USP44: variants seen among roughly 807,000 people sequenced by gnomAD.
The protein encoded by USP44 is ubiquitin specific peptidase 44.
USP44 carries 61 observed loss-of-function variants against 69.0 expected under a neutral mutation model. The observed-to-expected ratio is 0.88, with a 90% CI of 0.72 to 1.09. The LOEUF (loss-of-function observed/expected upper bound fraction) is 1.09, where lower values mean the gene tolerates loss of function less well. Among genes scored for constraint, USP44 ranks in the 50% least tolerant of loss-of-function variants. The pLI is 0.00. For missense variants in USP44, 753 were observed against 849.9 expected (o/e 0.89, Z 1.42); for synonymous variants, 297 against 295.4 (o/e 1.01, Z -0.06).
chr12:95,527,737 G>A (rs1280502616), intron 3 of USP44, among the ~76,000 whole-genome samples: 2 of 151,892 alleles, frequency 1.3e-5, no homozygotes, highest in East Asian at 1.9e-4. Context: ...CACCTGCCTC[G>A]GCCTCCCAAA....
Position 95,521,091 on chromosome 12 carries a change from TTCTGG to T in USP44, c.1840_1844del (p.Pro614MetfsTer5). ...CCGCGGACAAGTCATAGATAAAGCA[TTCTGG>T]TCTGAGGGATTTCAGGGTCTCCCTG... On this transcript the variant is annotated frameshift_variant, in exon 5 of 6. Transcript: ENST00000258499. LOFTEE classifies it high-confidence loss of function. The T allele has an allele frequency of 6.2e-7, 1 of 1,614,202 alleles. No homozygotes were observed. Among genetic ancestry groups the T allele is most frequent in the Non-Finnish European group, 8.5e-7 (1 of 1,180,038 alleles).
intron 1 of USP44, chr12:95,547,001 G>C (rs890005332): frequency 1.3e-5 from 2 of 152,146 alleles, no homozygotes; most frequent in African/African-American, 2.4e-5. Context: ...CTGTAGAAAA[G>C]GGAGAAAGAC....
chr12:95,530,457 TA>T (rs1373224732), intron 2 of USP44, among the ~76,000 whole-genome samples: 1 of 151,414 alleles, frequency 6.6e-6, no homozygotes, highest in Admixed American at 6.6e-5. Context: ...CTTGTCTCTA[TA>T]AAAAAAATAA....
chr12:95,541,160 T>G (rs943700720), intron 1 of USP44, among the ~76,000 whole-genome samples: 4 of 152,134 alleles, frequency 2.6e-5, no homozygotes, highest in Admixed American at 2.0e-4. Context: ...GTGCCTGTAA[T>G]CCCAGCTGCT....
intron 3 of USP44, among the ~76,000 whole-genome samples, chr12:95,525,947 T>C (rs977502992): frequency 1.3e-5 from 2 of 152,236 alleles, no homozygotes; most frequent in Non-Finnish European, 2.9e-5. Context: ...TCCAGGTGTC[T>C]AACCCTGCGA....
Position 95,518,375 on chromosome 12 carries a change from C to G in USP44, c.1940-22G>C, listed in dbSNP as rs1435046406. The G allele has an allele frequency of 7.5e-6, 12 of 1,610,120 alleles. No homozygotes were observed. The African/African-American group carries it at 1.6e-4, about 21-fold the overall frequency. On this transcript the variant is annotated intron_variant, in intron 5 of 5. Transcript: ENST00000258499. Reference sequence around the variant, plus strand: ...AACCCTAGAGTGAAGCACAGAAATACATTTATGAAGGGACTTTAGAAAATT... The same window carrying G: ...AACCCTAGAGTGAAGCACAGAAATAGATTTATGAAGGGACTTTAGAAAATT...
intron 3 of USP44, among the ~76,000 whole-genome samples, chr12:95,526,839 C>T (rs1368046669): frequency 1.3e-5 from 2 of 152,054 alleles, no homozygotes; most frequent in Non-Finnish European, 2.9e-5. Flanking sequence ...TTACTATACA[C>T]TACACTATAC....
chr12:95,518,074 AAATG>A lies in USP44; in HGVS notation c.*76_*79del, dbSNP rs772487135. 2.3e-4 allele frequency: 350 copies of A among 1,491,326 alleles called. 1 individual carries two copies. Among genetic ancestry groups the A allele is most frequent in the Non-Finnish European group, 6.3e-5 (69 of 1,093,052 alleles). The allele number at this position is 1,491,326 out of a possible 1,614,324, so 92.4% of individuals were successfully genotyped here. A position where few individuals can be genotyped will look rare whatever the true frequency, so the allele number is the denominator to read the frequency against. ...GTAGTATACACTGATTCACAAGAAA[AAATG>A]AAGTTTAAAATGGTACATCAGTCTT... On this transcript the variant is annotated 3_prime_UTR_variant, in exon 6 of 6. Coordinates refer to ENST00000258499, the MANE Select transcript of USP44 (RefSeq NM_032147.5).
chr12:95,533,296 A>G lies in USP44; in HGVS notation c.961T>C (p.Cys321Arg). 6.2e-7 allele frequency: 1 copy of G among 1,614,130 alleles called. No individual in the cohort carries two copies. ...GTATCTGTGACTGGTGGATGCTTAC[A>G]AGATCTTGTCTTCTCGCTAGCAGTC... ...AMTASEKTRS[C>R]KHPPVTDTVV... The change falls in exon 2 of 6, where the codon TGT becomes CGT. Residue 321 changes from cysteine (C) to arginine (R), a missense_variant. Transcript: ENST00000258499.
intron 5 of USP44, among the ~76,000 whole-genome samples, chr12:95,519,432 A>ACTTTTTTTTTTT (rs199606254): frequency 1.2e-5 from 1 of 84,544 alleles, no homozygotes. Flanking sequence ...CTCAATCTGT[A>ACTTTTTTTTTTT]TTTTTTTTTT....
rs1161476079 is a variant in USP44, at chr12:95,534,083, G to C, written c.174C>G (p.Leu58=). 1 of 1,614,190 alleles carries C rather than the reference G, an allele frequency of 6.2e-7. No individual in the cohort carries two copies. Among genetic ancestry groups the C allele is most frequent in the Non-Finnish European group, 8.5e-7 (1 of 1,180,038 alleles). Residue 58 remains leucine, a synonymous_variant, in exon 2 of 6, where the codon CTC becomes CTG. Transcript: ENST00000258499. ...GATGACTGCTTTCTTGAAAGTGCTTGAGTGCATGCTCTTCAATATATCTTC... is the reference window on the plus strand; with the variant it reads ...GATGACTGCTTTCTTGAAAGTGCTTCAGTGCATGCTCTTCAATATATCTTC... ...ACGRYIEEHA[L]KHFQESSHPV...
intron 1 of USP44, among the ~76,000 whole-genome samples, chr12:95,541,873 C>A (rs1006847858): frequency 7.1e-6 from 1 of 140,060 alleles, no homozygotes; most frequent in East Asian, 2.0e-4. Context: ...ATATCATCTC[C>A]ATTTTTTTTT....
chr12:95,519,432 A>ATTTTT (rs60940181), intron 5 of USP44, among the ~76,000 whole-genome samples: 35 of 84,542 alleles, frequency 4.1e-4, no homozygotes, highest in Non-Finnish European at 5.4e-4. Flanking sequence ...CTCAATCTGT[A>ATTTTT]TTTTTTTTTT....
At chr12:95,544,354 C>T (rs1221596392) in intron 1 of USP44, among the ~76,000 whole-genome samples, 1 of 152,038 alleles carries the variant, frequency 6.6e-6, no homozygotes, top group African/African-American at 2.4e-5. Flanking sequence ...CGCGCCCAGC[C>T]AATTTTAGTT....
intron 1 of USP44, among the ~76,000 whole-genome samples, chr12:95,543,587 G>A (rs916505155): frequency 6.6e-6 from 1 of 152,022 alleles, no homozygotes; most frequent in Non-Finnish European, 1.5e-5. Context: ...ACGCGTGGCA[G>A]TGCATGACTA....
intron 1 of USP44, among the ~76,000 whole-genome samples, chr12:95,545,463 G>A (rs916738458): frequency 5.3e-5 from 8 of 152,166 alleles, no homozygotes; most frequent in African/African-American, 1.9e-4. Context: ...ATAAAAGATA[G>A]GAGGAAATGG....
chr12:95,539,355 A>G (rs2077313273), intron 1 of USP44, among the ~76,000 whole-genome samples: 1 of 151,784 alleles, frequency 6.6e-6, no homozygotes, highest in East Asian at 1.9e-4. Flanking sequence ...CCTCCTGAGT[A>G]GCTGGGACTA....
chr12:95,536,512 T>C lies in USP44; in HGVS notation c.-70-2186A>G, dbSNP rs777079596. ...GTGATTTATATATTCCACTATCCCA[T>C]ATCTTTCTGTACTGAGGCAAGAAAC... On this transcript the variant is annotated intron_variant, in intron 1 of 5. Coordinates refer to ENST00000258499, the MANE Select transcript of USP44 (RefSeq NM_032147.5). Among the ~76,000 whole-genome samples, 6 of 152,278 alleles carry C rather than the reference T, an allele frequency of 3.9e-5. No individual in the cohort carries two copies. The South Asian group carries it at 8.3e-4, about 21-fold the overall frequency.
intron 3 of USP44, among the ~76,000 whole-genome samples, chr12:95,525,031 C>A (rs2076791597): frequency 6.6e-6 from 1 of 152,166 alleles, no homozygotes; most frequent in African/African-American, 2.4e-5. Context: ...TAATAATAAT[C>A]TTGCATATAA....
Sources: gnomAD v4.1 joint callset for allele counts (sites outside exome capture counted in the v4.1 genomes callset) on GRCh38, gnomAD v4.1.1 for gene constraint, MANE v1.5 for transcripts, NCBI Gene and HGNC (gene_info 2026-07-23, HGNC 2026-07-21) for gene names.